S1PR2: variants seen among roughly 807,000 people sequenced by gnomAD.
S1PR2 encodes sphingosine 1-phosphate receptor 2.
Under a neutral mutation model 16.1 loss-of-function variants are expected in S1PR2, and 9 were observed. The ratio of observed to expected loss-of-function variants is 0.56; its 90% CI spans 0.34 to 0.98. S1PR2 has a LOEUF of 0.98. Among genes scored for constraint, S1PR2 ranks in the 50% least tolerant of loss-of-function variants. S1PR2 has a pLI of 0.02. For missense variants in S1PR2, 361 were observed against 488.4 expected (o/e 0.74, Z 2.46); for synonymous variants, 224 against 233.9 (o/e 0.96, Z 0.38).
chr19:10,223,736 TG>T lies in S1PR2; in HGVS notation c.*107del. 2.9e-6 allele frequency: 3 copies of T among 1,022,844 alleles called. No homozygotes were observed. Among genetic ancestry groups the T allele is most frequent in the Non-Finnish European group, 4.3e-6 (3 of 705,030 alleles). 63.4% of individuals were successfully genotyped at this position (1,022,844 alleles called of 1,614,324 possible). On this transcript the variant is annotated 3_prime_UTR_variant, in exon 2 of 2. Coordinates refer to ENST00000646641, the MANE Select transcript of S1PR2 (RefSeq NM_004230.4). ...ATATTTGCAACATCACCCAGGTCTG[TG>T]GGGCGGGGGCATCTGGCTCAGTAGC...
At chr19:10,229,581 C>T (rs145727324) in intron 1 of S1PR2, among the ~76,000 whole-genome samples, 114 of 152,282 alleles carry the variant, frequency 7.5e-4, no homozygotes, top group African/African-American at 2.4e-3. Context: ...TGAGCCACCA[C>T]GCCTGGCCTT....
intron 1 of S1PR2, among the ~76,000 whole-genome samples, chr19:10,228,030 G>T (rs2039646773): frequency 6.6e-6 from 1 of 151,930 alleles, no homozygotes. Context: ...GCCGGGCGCA[G>T]TGGCTCATGC....
In S1PR2 at chr19:10,223,724, CA is replaced by C; in HGVS notation, c.*119del. The C allele has an allele frequency of 2.2e-6, 2 of 914,262 alleles. No individual in the cohort carries two copies. Among genetic ancestry groups the C allele is most frequent in the East Asian group, 5.3e-5 (2 of 37,956 alleles). 56.6% of individuals were successfully genotyped at this position (914,262 alleles called of 1,614,324 possible). A position where few individuals can be genotyped will look rare whatever the true frequency, so the allele number is the denominator to read the frequency against. ...TCCAGGTGTGAAATATTTGCAACAT[CA>C]CCCAGGTCTGTGGGGCGGGGGCATC... On this transcript the variant is annotated 3_prime_UTR_variant, in exon 2 of 2. Transcript: ENST00000646641.
chr19:10,224,152 T>C lies in S1PR2; in HGVS notation c.754A>G (p.Ile252Val). ...GGACAGGCATAGTCCAGAAGGAGGA[T>C]GCTGAAGGCGGGCAGCCAGCAGACG... is the stretch of plus-strand genomic sequence containing the variant. ...FIVCWLPAFS[I>V]LLLDYACPVH... The change falls in exon 2 of 2, where the codon ATC becomes GTC. Residue 252 changes from isoleucine to valine, a missense_variant. Ile to Val is a conservative substitution (Grantham distance 29, BLOSUM62 3). Transcript: ENST00000646641. 1 of 1,606,346 alleles carries C rather than the reference T, an allele frequency of 6.2e-7. No homozygotes were observed. The highest frequency in any genetic ancestry group is 1.1e-5 in the South Asian group (1 of 91,086).
chr19:10,224,177 G>A lies in S1PR2; in HGVS notation c.729C>T (p.Ile243=), dbSNP rs148315102. 284 of 1,609,484 alleles carry A rather than the reference G, an allele frequency of 1.8e-4. No individual in the cohort carries two copies. Among genetic ancestry groups the A allele is most frequent in the Non-Finnish European group, 2.3e-4 (274 of 1,180,016 alleles). Residue 243 remains isoleucine (I), a synonymous_variant, in exon 2 of 2, where the codon ATC becomes ATT. Coordinates refer to ENST00000646641, the MANE Select transcript of S1PR2 (RefSeq NM_004230.4). ...KTVTIVLGVF[I]VCWLPAFSIL... ...TGCTGAAGGCGGGCAGCCAGCAGAC[G>A]ATAAAGACGCCTAGCACGATGGTGA...
chr19:10,230,345 C>T (rs1169982585), intron 1 of S1PR2: 1 of 154,308 alleles, frequency 6.5e-6, no homozygotes, highest in Non-Finnish European at 1.5e-5. Context: ...CTCTCCGTCC[C>T]GCCAGGGGTC....
At chr19:10,230,665 GCAGT>G (rs969327489) in intron 1 of S1PR2, among the ~76,000 whole-genome samples, 4 of 152,244 alleles carry the variant, frequency 2.6e-5, no homozygotes, top group Non-Finnish European at 5.9e-5. Flanking sequence ...TCTGAGCCAC[GCAGT>G]CACTTTCTCT....
rs1204547772 is a variant in S1PR2, at chr19:10,223,847, G to A, written c.1059C>T (p.Val353=). 4 of 1,530,654 alleles carry A rather than the reference G, an allele frequency of 2.6e-6. No homozygotes were observed. The highest frequency in any genetic ancestry group is 1.3e-5 in the South Asian group (1 of 78,074). 94.8% of individuals were successfully genotyped at this position (1,530,654 alleles called of 1,614,324 possible). The change falls in exon 2 of 2, where the codon GTC becomes GTT. Residue 353 remains valine, a synonymous_variant. Transcript: ENST00000646641. ...GGTTGTTGGTCCACCCCCACCCTCA[G>A]ACCACCGTGTTGCCCTCCAGAAACG... ...SPTFLEGNTV[V]
chr19:10,223,788 A>G lies in S1PR2; in HGVS notation c.*56T>C. ...CCCAAGTCTCTATCTGGGGTCACCC[A>G]GTGGCCTCTCCATGAACCCCTCTGC... On this transcript the variant is annotated 3_prime_UTR_variant, in exon 2 of 2. Coordinates refer to ENST00000646641, the MANE Select transcript of S1PR2 (RefSeq NM_004230.4). The G allele has an allele frequency of 1.4e-6, 2 of 1,461,210 alleles. No individual in the cohort carries two copies. The highest frequency in any genetic ancestry group is 2.3e-5 in the East Asian group (1 of 43,602). 90.5% of individuals were successfully genotyped at this position (1,461,210 alleles called of 1,614,324 possible).
At chr19:10,225,271 G>A (rs893195662) in intron 1 of S1PR2, among the ~76,000 whole-genome samples, 1 of 152,006 alleles carries the variant, frequency 6.6e-6, no homozygotes, top group Non-Finnish European at 1.5e-5. Context: ...CATTCAGGCT[G>A]GAGTGCAGTG....
At position 10,225,676 on chromosome 19, in the gene S1PR2, G is replaced by T. The variant is rs901672427; in HGVS notation, c.-42-729C>A. On this transcript the variant is annotated intron_variant, in intron 1 of 1. Coordinates refer to ENST00000646641, the MANE Select transcript of S1PR2 (RefSeq NM_004230.4). ...GCCTCTCAAAGCGCTGGGATTACCAGTGTGAGCCACCGGGCCCAGCCGCCT... is the reference window on the plus strand; with the variant it reads ...GCCTCTCAAAGCGCTGGGATTACCATTGTGAGCCACCGGGCCCAGCCGCCT... Among the ~76,000 whole-genome samples the T allele has an allele frequency of 1.4e-4, 22 of 152,046 alleles. No individual in the cohort carries two copies. In the South Asian group the frequency reaches 1.5e-3, roughly 10 times the overall value.
At position 10,223,880 on chromosome 19, in the gene S1PR2, C is replaced by A. The variant is rs377376944; in HGVS notation, c.1026G>T (p.Thr342=). 4 of 1,557,526 alleles carry A rather than the reference C, an allele frequency of 2.6e-6. No homozygotes were observed. The highest frequency in any genetic ancestry group is 3.5e-6 in the Non-Finnish European group (4 of 1,152,660). The change falls in exon 2 of 2, where the codon ACG becomes ACT. Residue 342 remains threonine (T), a synonymous_variant. Transcript: ENST00000646641. Reference sequence around the variant, plus strand: ...TGTTGCCCTCCAGAAACGTGGGTGACGTGGGCATGTGCATGCCCCTCTCCA... The same window carrying A: ...TGTTGCCCTCCAGAAACGTGGGTGAAGTGGGCATGTGCATGCCCCTCTCCA... The part of the protein sequence containing the change: ...SSLERGMHMP[T]SPTFLEGNTV...
intron 1 of S1PR2, among the ~76,000 whole-genome samples, chr19:10,230,157 T>A (rs1441953945): frequency 1.3e-5 from 2 of 152,178 alleles, no homozygotes; most frequent in Non-Finnish European, 2.9e-5. Context: ...CGTGTCTCCA[T>A]GGAGATGGCA....
At chr19:10,226,330 T>G (rs932931181) in intron 1 of S1PR2, among the ~76,000 whole-genome samples, 2 of 152,182 alleles carry the variant, frequency 1.3e-5, no homozygotes, top group African/African-American at 2.4e-5. Context: ...ACACAGACCT[T>G]GAAGGCAATC....
chr19:10,230,452 G>A (rs1599238770), intron 1 of S1PR2: 1 of 154,712 alleles, frequency 6.5e-6, no homozygotes, highest in South Asian at 2.0e-4. Context: ...CCCACGAGGG[G>A]GACTGTGGGC....
intron 1 of S1PR2, among the ~76,000 whole-genome samples, chr19:10,225,697 C>A (rs953247287): frequency 1.3e-5 from 2 of 151,926 alleles, no homozygotes; most frequent in East Asian, 3.9e-4. Flanking sequence ...CGGGCCCAGC[C>A]GCCTGGCTAG....
At position 10,224,391 on chromosome 19, in the gene S1PR2, C is replaced by G; in HGVS notation, c.515G>C (p.Cys172Ser). 6.2e-7 allele frequency: 1 copy of G among 1,613,848 alleles called. No individual in the cohort carries two copies. The highest frequency in any genetic ancestry group is 8.5e-7 in the Non-Finnish European group (1 of 1,180,034). Residue 172 changes from cysteine (C) to serine (S), a missense_variant, in exon 2 of 2, where the codon TGC (cysteine) becomes TCC (serine). Physicochemically the swap from Cys to Ser is moderately radical, Grantham distance 112 (BLOSUM62 -1). Coordinates refer to ENST00000646641, the MANE Select transcript of S1PR2 (RefSeq NM_004230.4). ...GGAGCAGGCCTCGAGGTGGCCCAGG[C>G]AGTTCCAGCCAAGGATGGGCAGGCC... Reference protein sequence around the residue: ...LGGLPILGWNCLGHLEACSTV... With the variant: ...LGGLPILGWNSLGHLEACSTV...
At chr19:10,227,810 G>A (rs1380140452) in intron 1 of S1PR2, among the ~76,000 whole-genome samples, 1 of 152,130 alleles carries the variant, frequency 6.6e-6, no homozygotes, top group African/African-American at 2.4e-5. Context: ...GACGTCCCTA[G>A]GGGGAGTTTG....
chr19:10,230,696 G>A (rs2145447305), intron 1 of S1PR2, among the ~76,000 whole-genome samples: 3 of 152,330 alleles, frequency 2.0e-5, no homozygotes, highest in East Asian at 1.9e-4. Context: ...ACAAAACAAA[G>A]CCACGCCCCC....
Sources: allele counts gnomAD v4.1 joint callset (sites outside exome capture counted in the v4.1 genomes callset), GRCh38; gene constraint gnomAD v4.1.1; transcripts MANE v1.5; gene names NCBI Gene and HGNC (gene_info 2026-07-23, HGNC 2026-07-21).